The following BICC1 variants were observed in gnomAD, a reference collection of about 807,000 sequenced individuals.
BICC1 encodes BicC family RNA binding protein 1.
In BICC1, 43 loss-of-function variants were observed where a neutral mutation model predicts 111.0. The ratio of observed to expected loss-of-function variants is 0.39; its 90% CI spans 0.30 to 0.50. The LOEUF is 0.50. Ranked by LOEUF, BICC1 falls within the 20% of genes least tolerant of loss-of-function variation. The probability of loss-of-function intolerance (pLI) is 0.88; values close to 1 mark genes in which losing one functional copy is unlikely to be tolerated. For missense variants in BICC1, 1,091 were observed against 1,203.2 expected, an observed-to-expected ratio of 0.91 and a Z score of 1.38; for synonymous variants, 467 against 434.4, an observed-to-expected ratio of 1.07 and a Z score of -0.93.
At chr10:58,528,762 C>A (rs976445750) in intron 1 of BICC1, among the ~76,000 whole-genome samples, 13 of 151,920 alleles carry the variant, frequency 8.6e-5, no homozygotes, top group Non-Finnish European at 1.3e-4. Flanking sequence ...CCCTTAAAAT[C>A]TCTTTCAGTT....
intron 1 of BICC1, among the ~76,000 whole-genome samples, chr10:58,590,937 A>G (rs915884389): frequency 6.6e-6 from 1 of 152,166 alleles, no homozygotes; most frequent in African/African-American, 2.4e-5. Flanking sequence ...TACAAAACTG[A>G]TCTTTGACCA....
chr10:58,608,435 G>A (rs1845305330), intron 1 of BICC1, among the ~76,000 whole-genome samples: 1 of 152,160 alleles, frequency 6.6e-6, no homozygotes, highest in African/African-American at 2.4e-5. Flanking sequence ...AACGCGTTTT[G>A]GAATCAGACA....
intron 3 of BICC1, 34 bp downstream of exon 3, chr10:58,702,177 T>C: frequency 6.5e-7 from 1 of 1,539,842 alleles, no homozygotes; most frequent in Non-Finnish European, 9.0e-7. Context: ...TAGGTGGTTT[T>C]GATAACTGAG....
At chr10:58,732,424 T>G (rs1841343969) in intron 3 of BICC1, among the ~76,000 whole-genome samples, 1 of 40,354 alleles carries the variant, frequency 2.5e-5, no homozygotes, top group African/African-American at 8.7e-5. Flanking sequence ...TATATATATA[T>G]ATATATATAT....
At chr10:58,687,001 G>A (rs1456129328) in intron 2 of BICC1, among the ~76,000 whole-genome samples, 2 of 152,148 alleles carry the variant, frequency 1.3e-5, no homozygotes, top group African/African-American at 4.8e-5. Context: ...CCATCTTTGT[G>A]GTTTTATCTA....
chr10:58,583,756 T>C (rs1028427384), intron 1 of BICC1, among the ~76,000 whole-genome samples: 18 of 152,176 alleles, frequency 1.2e-4, no homozygotes, highest in Admixed American at 8.5e-4. Flanking sequence ...TTTCGTATTA[T>C]ATAATGACTT....
chr10:58,608,591 GT>G (rs374377545), intron 1 of BICC1, among the ~76,000 whole-genome samples: 2 of 152,254 alleles, frequency 1.3e-5, no homozygotes, highest in African/African-American at 4.8e-5. Flanking sequence ...TGACTCTTCT[GT>G]AATGTTTTAG....
intron 1 of BICC1, among the ~76,000 whole-genome samples, chr10:58,575,392 C>T (rs141590333): frequency 6.6e-6 from 1 of 152,106 alleles, no homozygotes; most frequent in Non-Finnish European, 1.5e-5. Flanking sequence ...GTCCTAATTG[C>T]CAGCCCTGAG....
At chr10:58,782,993 T>C (rs1842920499) in intron 3 of BICC1, among the ~76,000 whole-genome samples, 1 of 152,218 alleles carries the variant, frequency 6.6e-6, no homozygotes, top group African/African-American at 2.4e-5. Flanking sequence ...TTGGGCTCTC[T>C]CCCAACTTGG....
At chr10:58,790,596 G>A (rs755040341) in intron 8 of BICC1, among the ~76,000 whole-genome samples, 4 of 152,186 alleles carry the variant, frequency 2.6e-5, no homozygotes, top group African/African-American at 7.2e-5. Context: ...GGGAGGCCAA[G>A]GTGGGCAGAT....
At chr10:58,518,288 A>G (rs1207875733) in intron 1 of BICC1, among the ~76,000 whole-genome samples, 1 of 152,120 alleles carries the variant, frequency 6.6e-6, no homozygotes, top group African/African-American at 2.4e-5. Flanking sequence ...ATTGGTGTGT[A>G]GAAAGAAGGT....
In BICC1 at chr10:58,828,938, C is replaced by A. The variant is rs1402846371; in HGVS notation, c.*47C>A. 3 of 1,609,150 alleles carry A rather than the reference C, an allele frequency of 1.9e-6. No individual in the cohort carries two copies. Among genetic ancestry groups the A allele is most frequent in the Non-Finnish European group, 2.5e-6 (3 of 1,177,532 alleles). Reference sequence around the variant, plus strand: ...CCGCTGACTAACTGTAAAGTGGACACAGGAGATGTATGAACAGCCTTCACA... The same window carrying A: ...CCGCTGACTAACTGTAAAGTGGACAAAGGAGATGTATGAACAGCCTTCACA... On this transcript the variant is annotated 3_prime_UTR_variant, in exon 21 of 21. Transcript: ENST00000373886.
At chr10:58,537,255 C>T (rs931478342) in intron 1 of BICC1, among the ~76,000 whole-genome samples, 1 of 151,562 alleles carries the variant, frequency 6.6e-6, no homozygotes, top group South Asian at 2.1e-4. Context: ...CAAGAAAGAA[C>T]CTAGCAAAAT....
chr10:58,817,523 G>T (rs1220094975), intron 18 of BICC1, 39 bp from the exon 19 acceptor site: 1 of 1,609,866 alleles, frequency 6.2e-7, no homozygotes, highest in South Asian at 1.1e-5. Context: ...TTCTCTCTGG[G>T]CATTTACACT....
chr10:58,542,638 AT>A (rs1843024031), intron 1 of BICC1, among the ~76,000 whole-genome samples: 1 of 152,174 alleles, frequency 6.6e-6, no homozygotes, highest in African/African-American at 2.4e-5. Context: ...CATAACCAAT[AT>A]ATGTAAAGAA....
At chr10:58,551,599 T>A (rs1208887622) in intron 1 of BICC1, among the ~76,000 whole-genome samples, 1 of 152,186 alleles carries the variant, frequency 6.6e-6, no homozygotes, top group African/African-American at 2.4e-5. Context: ...TTACTTTTCT[T>A]GTCTGTGTGA....
chr10:58,534,859 GAAA>G (rs1842786231), intron 1 of BICC1, among the ~76,000 whole-genome samples: 1 of 151,024 alleles, frequency 6.6e-6, no homozygotes, highest in Admixed American at 6.6e-5. Context: ...GGATATCAAT[GAAA>G]AATTTTTTTT....
intron 3 of BICC1, among the ~76,000 whole-genome samples, chr10:58,719,172 CCTT>C (rs1195024954): frequency 6.6e-6 from 1 of 152,118 alleles, no homozygotes; most frequent in Admixed American, 6.5e-5. Context: ...ACAAAATTCA[CCTT>C]CTGTGCTGTG....
At chr10:58,766,198 T>C (rs577060618) in intron 3 of BICC1, among the ~76,000 whole-genome samples, 2 of 152,192 alleles carry the variant, frequency 1.3e-5, no homozygotes, top group East Asian at 3.9e-4. Flanking sequence ...AGGTTTATAC[T>C]GCATTATGTT....
Sources: allele counts gnomAD v4.1 joint callset (sites outside exome capture counted in the v4.1 genomes callset), GRCh38; gene constraint gnomAD v4.1.1; transcripts MANE v1.5; gene names NCBI Gene and HGNC (gene_info 2026-07-23, HGNC 2026-07-21).